Variants in HTR4 observed in about 807,000 individuals in gnomAD.
HTR4 encodes 5-hydroxytryptamine (serotonin) receptor 4, G protein-coupled.
HTR4 carries 16 observed loss-of-function variants against 36.8 expected under a neutral mutation model. That is an observed-to-expected ratio of 0.43 (90% CI 0.29 to 0.66). The LOEUF is 0.66. Among genes scored for constraint, HTR4 ranks in the 30% least tolerant of loss-of-function variants. The pLI, the probability that HTR4 is intolerant of heterozygous loss-of-function variation, is 0.13. For synonymous variants in HTR4, 189 were observed against 185.1 expected, an observed-to-expected ratio of 1.02 and a Z score of -0.17; for missense variants, 438 against 490.9, an observed-to-expected ratio of 0.89 and a Z score of 1.02.
intron 4 of HTR4, among the ~76,000 whole-genome samples, chr5:148,547,484 A>G (rs1190697661): frequency 6.6e-6 from 1 of 151,712 alleles, no homozygotes; most frequent in Non-Finnish European, 1.5e-5. Flanking sequence ...GCGGCACTGC[A>G]CTTCAGCCTG....
At position 148,580,414 on chromosome 5, in the gene HTR4, G is replaced by T. The variant is rs186085284; in HGVS notation, c.27-30152C>A. Among the ~76,000 whole-genome samples the T allele has an allele frequency of 7.9e-5, 12 of 152,086 alleles. No homozygotes were observed. The East Asian group carries it at 2.1e-3, about 27-fold the overall frequency. On this transcript the variant is annotated intron_variant, in intron 2 of 6. Transcript: ENST00000377888. Reference sequence around the variant, plus strand: ...CAAAATTCCCCCTTTTTACTCTAATGAGAGCTATCCTATTAACCAATGAGT... The same window carrying T: ...CAAAATTCCCCCTTTTTACTCTAATTAGAGCTATCCTATTAACCAATGAGT...
chr5:148,637,190 A>T (rs1000654283), intron 1 of HTR4, 129 bp from the exon 2 acceptor site: 1 of 657,778 alleles, frequency 1.5e-6, no homozygotes, highest in Non-Finnish European at 2.7e-6. Context: ...TTTAATAAAC[A>T]ATACTAAAGC....
At position 148,463,165 on chromosome 5, in the gene HTR4, CT is replaced by C. The variant is rs71001490; in HGVS notation, c.1077-11894del. ...CTTTGCTTTTCATTTCTTTTTTTTT[CT>C]TTTTTTTTTTTTTTTTTTTTTTTTG... is the stretch of plus-strand genomic sequence containing the variant. On this transcript the variant is annotated intron_variant, in intron 5 of 5. Transcript: ENST00000521530. 4.8e-3 allele frequency among the ~76,000 whole-genome samples: 311 copies of C among 64,128 alleles called. 1 individual carries two copies. The highest frequency in any genetic ancestry group is 0.019 in the Middle Eastern group (1 of 52). The allele number at this position is 64,128 out of a possible 152,430, so 42.1% of individuals were successfully genotyped here. A position where few individuals can be genotyped will look rare whatever the true frequency, so the allele number is the denominator to read the frequency against.
chr5:148,555,563 A>C (rs1185815506), intron 2 of HTR4, among the ~76,000 whole-genome samples: 1 of 152,208 alleles, frequency 6.6e-6, no homozygotes, highest in Non-Finnish European at 1.5e-5. Context: ...TGCAAAATTC[A>C]TGTTAGGTCC....
At chr5:148,616,207 G>A (rs1348203117) in intron 2 of HTR4, among the ~76,000 whole-genome samples, 1 of 152,200 alleles carries the variant, frequency 6.6e-6, no homozygotes. Context: ...ATATGCCTGA[G>A]AAAGGGAAAA....
intron 5 of HTR4, among the ~76,000 whole-genome samples, chr5:148,451,907 C>T (rs1030810232): frequency 1.1e-4 from 16 of 152,118 alleles, no homozygotes; most frequent in African/African-American, 2.2e-4. Context: ...CAATTGCAGG[C>T]GAGTCTCATC....
At chr5:148,522,195 G>A (rs979888507) in intron 5 of HTR4, among the ~76,000 whole-genome samples, 14 of 152,116 alleles carry the variant, frequency 9.2e-5, no homozygotes, top group African/African-American at 3.4e-4. Context: ...CCAGGCATGT[G>A]GAACTGTGAG....
At chr5:148,487,492 A>G (rs1049041369) in intron 6 of HTR4, among the ~76,000 whole-genome samples, 9 of 152,166 alleles carry the variant, frequency 5.9e-5, no homozygotes, top group African/African-American at 2.2e-4. Context: ...GTGCATGAGA[A>G]CTATATTGGG....
intron 4 of HTR4, among the ~76,000 whole-genome samples, chr5:148,527,007 A>G (rs1581427014): frequency 6.6e-6 from 1 of 152,224 alleles, no homozygotes; most frequent in Non-Finnish European, 1.5e-5. Context: ...TGTATCTTTC[A>G]AAATAGCTAG....
At chr5:148,633,866 C>G (rs1753422168) in intron 2 of HTR4, among the ~76,000 whole-genome samples, 1 of 152,054 alleles carries the variant, frequency 6.6e-6, no homozygotes, top group South Asian at 2.1e-4. Context: ...TATGTCTAAT[C>G]CTGGTCCTCC....
At chr5:148,456,161 T>A (rs1338698649) in intron 5 of HTR4, among the ~76,000 whole-genome samples, 1 of 152,042 alleles carries the variant, frequency 6.6e-6, no homozygotes, top group Admixed American at 6.6e-5. Flanking sequence ...CCAACTGGAG[T>A]CTGGCTTATA....
intron 5 of HTR4, among the ~76,000 whole-genome samples, chr5:148,470,969 A>G (rs1376969439): frequency 2.0e-5 from 3 of 152,190 alleles, no homozygotes; most frequent in African/African-American, 7.2e-5. Flanking sequence ...GATTACAGGC[A>G]TGAGCCACTG....
intron 6 of HTR4, among the ~76,000 whole-genome samples, chr5:148,488,822 C>T (rs1280539108): frequency 6.6e-6 from 1 of 152,090 alleles, no homozygotes; most frequent in Non-Finnish European, 1.5e-5. Context: ...AAAATGTATT[C>T]CCAAGGGCCC....
At chr5:148,471,852 A>C (rs1423912003), downstream of HTR4, among the ~76,000 whole-genome samples, 1 of 152,220 alleles carries the variant, frequency 6.6e-6, no homozygotes, top group Non-Finnish European at 1.5e-5. Flanking sequence ...TCAGACTCTC[A>C]AAAGGATTTT....
chr5:148,638,204 T>C (rs564841871), intron 1 of HTR4, among the ~76,000 whole-genome samples: 84 of 152,250 alleles, frequency 5.5e-4, no homozygotes, highest in African/African-American at 1.8e-3. Flanking sequence ...GTTTCTTAGA[T>C]CCTCTAAACT....
At chr5:148,454,205 C>A (rs1018047002) in intron 5 of HTR4, among the ~76,000 whole-genome samples, 3 of 152,162 alleles carry the variant, frequency 2.0e-5, no homozygotes, top group Non-Finnish European at 2.9e-5. Flanking sequence ...ACTTTCTATA[C>A]CTCTGTAACT....
chr5:148,475,006 C>T (rs1226369571), downstream of HTR4, among the ~76,000 whole-genome samples: 1 of 151,732 alleles, frequency 6.6e-6, no homozygotes, highest in Admixed American at 6.6e-5. Context: ...GATGGCGCCA[C>T]TGCACTCCAG....
intron 1 of HTR4, 86 bp from the exon 2 acceptor site, chr5:148,637,147 T>A: frequency 1.2e-6 from 1 of 812,824 alleles, no homozygotes; most frequent in African/African-American, 1.7e-5. Context: ...CAAATAACTA[T>A]TGCTTCCTAT....
At chr5:148,520,188 G>A (rs571751240) in intron 5 of HTR4, among the ~76,000 whole-genome samples, 113 of 152,288 alleles carry the variant, frequency 7.4e-4, no homozygotes, top group African/African-American at 2.7e-3. Context: ...ACATGACCAT[G>A]TGGATTGTGC....
Sources: allele counts gnomAD v4.1 joint callset (sites outside exome capture counted in the v4.1 genomes callset), GRCh38; gene constraint gnomAD v4.1.1; transcripts MANE v1.5; gene names NCBI Gene and HGNC (gene_info 2026-07-23, HGNC 2026-07-21).